The following DOP1A variants were observed in gnomAD, a reference collection of about 807,000 sequenced individuals.
DOP1A encodes the protein DOP1 leucine zipper like protein A, also known as protein DOP1A.
A neutral mutation model predicts 267.6 loss-of-function variants in DOP1A; 90 were observed. The observed-to-expected ratio is 0.34, with a 90% CI of 0.28 to 0.40. The LOEUF (loss-of-function observed/expected upper bound fraction) is 0.40. Ranked by LOEUF, DOP1A falls within the 10% of genes least tolerant of loss-of-function variation. DOP1A has a pLI of 1.00. For synonymous variants in DOP1A, 932 were observed against 999.1 expected, an observed-to-expected ratio of 0.93 and a Z score of 1.27; for missense variants, 2,437 against 2,900.4, an observed-to-expected ratio of 0.84 and a Z score of 3.67.
Position 83,122,878 on chromosome 6 carries a change from TAAG to T in DOP1A, c.1239_1241del (p.Lys414del). 2 of 1,488,696 alleles carry T rather than the reference TAAG, an allele frequency of 1.3e-6. No homozygotes were observed. The highest frequency in any genetic ancestry group is 1.8e-6 in the Non-Finnish European group (2 of 1,117,846). 92.2% of individuals were successfully genotyped at this position (1,488,696 alleles called of 1,614,324 possible). A position where few individuals can be genotyped will look rare whatever the true frequency, so the allele number is the denominator to read the frequency against. On this transcript the variant is annotated inframe_deletion, in exon 12 of 39. Coordinates refer to ENST00000349129, the MANE Select transcript of DOP1A (RefSeq NM_015018.4). ...CTTTTTTCAGTAAATTAAGAGAAAA[TAAG>T]AAAACAGCAGAGCTGATTAAAACTG...
At chr6:83,148,716 C>T in intron 26 of DOP1A, 43 bp from the exon 27 acceptor site, 1 of 1,296,316 alleles carries the variant, frequency 7.7e-7, no homozygotes, top group Non-Finnish European at 1.1e-6. Flanking sequence ...AGTAGAAAAC[C>T]ATAGTTTATT....
Position 83,128,884 on chromosome 6 carries a change from C to T in DOP1A, c.1720-3C>T, listed in dbSNP as rs368974793. The T allele has an allele frequency of 2.0e-5, 31 of 1,515,376 alleles. No individual in the cohort carries two copies. In the African/African-American group the frequency reaches 4.0e-4, roughly 20 times the overall value. 93.9% of individuals were successfully genotyped at this position (1,515,376 alleles called of 1,614,324 possible). ...CTTTTGTTTTCTTAAAAATCTCTAA[C>T]AGGTATCATCAGTTTCTCATGAAAA... On this transcript the variant is annotated splice_polypyrimidine_tract_variant and splice_region_variant and intron_variant, in intron 15 of 38. Coordinates refer to ENST00000349129, the MANE Select transcript of DOP1A (RefSeq NM_015018.4).
At chr6:83,074,583 AT>A (rs1766702980) in intron 1 of DOP1A, among the ~76,000 whole-genome samples, 1 of 152,206 alleles carries the variant, frequency 6.6e-6, no homozygotes, top group Non-Finnish European at 1.5e-5. Flanking sequence ...CCAGTATAGT[AT>A]TTAATAAATT....
chr6:83,085,760 A>G (rs1340300785), intron 1 of DOP1A, among the ~76,000 whole-genome samples: 1 of 150,302 alleles, frequency 6.7e-6, no homozygotes, highest in Non-Finnish European at 1.5e-5. Context: ...AAAACCATTG[A>G]TGGGTTTTTT....
At chr6:83,103,501 A>G (rs932693142) in intron 4 of DOP1A, among the ~76,000 whole-genome samples, 11 of 152,334 alleles carry the variant, frequency 7.2e-5, no homozygotes, top group Non-Finnish European at 1.2e-4. Flanking sequence ...TTTTTAATCT[A>G]TGAATTGATG....
intron 1 of DOP1A, among the ~76,000 whole-genome samples, chr6:83,089,589 T>A (rs1011692129): frequency 1.4e-4 from 21 of 152,216 alleles, no homozygotes; most frequent in African/African-American, 4.8e-4. Context: ...GAAACTACGA[T>A]TAACAGCCCC....
chr6:83,133,605 CTAAA>C (rs1241381592), intron 18 of DOP1A, among the ~76,000 whole-genome samples: 40 of 152,150 alleles, frequency 2.6e-4, no homozygotes, highest in African/African-American at 8.7e-4. Context: ...GCTTGCCTAT[CTAAA>C]TAATTTATTT....
intron 1 of DOP1A, among the ~76,000 whole-genome samples, chr6:83,093,361 C>T (rs1366155185): frequency 1.3e-5 from 2 of 152,146 alleles, no homozygotes; most frequent in Non-Finnish European, 2.9e-5. Context: ...ACTCGTATAG[C>T]CTCTCTTTGG....
chr6:83,137,100 C>A, intron 20 of DOP1A, 73 bp from the exon 21 acceptor site: 1 of 1,361,874 alleles, frequency 7.3e-7, no homozygotes, highest in Admixed American at 2.8e-5. Context: ...TTTGATCAGT[C>A]TACATTTCTA....
Position 83,137,165 on chromosome 6 carries a change from T to C in DOP1A, c.3131-8T>C, listed in dbSNP as rs1280577902. The C allele has an allele frequency of 3.9e-6, 6 of 1,522,954 alleles. No individual in the cohort carries two copies. Among genetic ancestry groups the C allele is most frequent in the Non-Finnish European group, 4.4e-6 (5 of 1,137,580 alleles). 94.3% of individuals were successfully genotyped at this position (1,522,954 alleles called of 1,614,324 possible). Reference sequence around the variant, plus strand: ...TTTTCTTCTTTTACTGTTTTTCTCATATATCAGTGAGCCAAGTACAACTCA... The same window carrying C: ...TTTTCTTCTTTTACTGTTTTTCTCACATATCAGTGAGCCAAGTACAACTCA... On this transcript the variant is annotated splice_polypyrimidine_tract_variant and splice_region_variant and intron_variant, in intron 20 of 38. Coordinates refer to ENST00000349129, the MANE Select transcript of DOP1A (RefSeq NM_015018.4).
Position 83,151,925 on chromosome 6 carries a change from G to A in DOP1A, c.5947G>A (p.Gly1983Ser), listed in dbSNP as rs1781763416. Residue 1983 changes from glycine (G) to serine (S), a missense_variant, in exon 29 of 39, where the codon GGT (glycine) becomes AGT (serine). Physicochemically the swap from Gly to Ser is moderately conservative, Grantham distance 56. Coordinates refer to ENST00000349129, the MANE Select transcript of DOP1A (RefSeq NM_015018.4). ...KIVDAIGAIAGSSLEQTTWLR... is the reference protein window; with the variant it reads ...KIVDAIGAIASSSLEQTTWLR... Reference sequence around the variant, plus strand: ...AGTGGATGCAATTGGTGCAATTGCTGGTTCTTCTCTGGAACAGACAACATG... The same window carrying A: ...AGTGGATGCAATTGGTGCAATTGCTAGTTCTTCTCTGGAACAGACAACATG... 1 of 1,613,574 alleles carries A rather than the reference G, an allele frequency of 6.2e-7. No homozygotes were observed. The highest frequency in any genetic ancestry group is 8.5e-7 in the Non-Finnish European group (1 of 1,179,768).
chr6:83,170,272 A>G, downstream of DOP1A: 1 of 1,600,810 alleles, frequency 6.2e-7, no homozygotes, highest in Non-Finnish European at 8.6e-7. Flanking sequence ...ACCTAATATT[A>G]GGCTCTTTTT....
In DOP1A at chr6:83,124,639, T is replaced by C. The variant is rs1583022235; in HGVS notation, c.1341-66T>C. 2.7e-6 allele frequency: 3 copies of C among 1,122,652 alleles called. No homozygotes were observed. The East Asian group carries it at 7.1e-5, about 27-fold the overall frequency. The allele number at this position is 1,122,652 out of a possible 1,614,324, so 69.5% of individuals were successfully genotyped here. A position where few individuals can be genotyped will look rare whatever the true frequency, so the allele number is the denominator to read the frequency against. On this transcript the variant is annotated intron_variant, in intron 12 of 38. Coordinates refer to ENST00000349129, the MANE Select transcript of DOP1A (RefSeq NM_015018.4). ...GACTTGGACTTCATTAGAAGGATGATGATGCTGTCACAGGTATTCACATCA... is the reference window on the plus strand; with the variant it reads ...GACTTGGACTTCATTAGAAGGATGACGATGCTGTCACAGGTATTCACATCA...
chr6:83,079,655 A>G (rs1767736724), intron 1 of DOP1A, among the ~76,000 whole-genome samples: 1 of 152,164 alleles, frequency 6.6e-6, no homozygotes, highest in East Asian at 1.9e-4. Flanking sequence ...TATTTTGCAA[A>G]TAATGATTTG....
chr6:83,142,742 T>A (rs930511123), intron 24 of DOP1A, among the ~76,000 whole-genome samples: 1 of 152,136 alleles, frequency 6.6e-6, no homozygotes, highest in Admixed American at 6.6e-5. Context: ...TTTCTAAATA[T>A]AATTCACAAA....
In DOP1A at chr6:83,132,218, C is replaced by T; in HGVS notation, c.2659C>T (p.Pro887Ser). 6.2e-7 allele frequency: 1 copy of T among 1,612,948 alleles called. No individual in the cohort carries two copies. Among genetic ancestry groups the T allele is most frequent in the South Asian group, 1.1e-5 (1 of 90,956 alleles). Residue 887 changes from proline (P) to serine (S), a missense_variant, in exon 18 of 39, where the codon CCT becomes TCT. Transcript: ENST00000349129. Reference sequence around the variant, plus strand: ...GTGGGACCAGTTGGGAGATGGGACACCTCAGCATCACCAGAAGAGTGTGGA... The same window carrying T: ...GTGGGACCAGTTGGGAGATGGGACATCTCAGCATCACCAGAAGAGTGTGGA... The part of the protein sequence containing the change: ...TLWDQLGDGT[P>S]QHHQKSVELF...
rs759911147 is a variant in DOP1A, at chr6:83,148,899, G to T, written c.5837+36G>T. Reference sequence around the variant, plus strand: ...TCACTTAATATTATTTCAAATAAAAGGATAATGTTAATTGTCCTAGTTGCC... The same window carrying T: ...TCACTTAATATTATTTCAAATAAAATGATAATGTTAATTGTCCTAGTTGCC... On this transcript the variant is annotated intron_variant, in intron 27 of 38. Transcript: ENST00000349129. 3 of 1,281,098 alleles carry T rather than the reference G, an allele frequency of 2.3e-6. No individual in the cohort carries two copies. The African/African-American group carries it at 4.7e-5, about 20-fold the overall frequency. 79.4% of individuals were successfully genotyped at this position (1,281,098 alleles called of 1,614,324 possible).
chr6:83,139,974 G>A, intron 21 of DOP1A, 26 bp from the exon 22 acceptor site: 1 of 1,506,068 alleles, frequency 6.6e-7, no homozygotes, highest in Non-Finnish European at 9.2e-7. Flanking sequence ...TAAAACTTGT[G>A]TTTAAATGAA....
chr6:83,160,070 A>G, intron 37 of DOP1A, 110 bp downstream of exon 37: 1 of 1,017,110 alleles, frequency 9.8e-7, no homozygotes, highest in East Asian at 2.5e-5. Flanking sequence ...AATATTCCTA[A>G]TTTTTACTAA....
Sources: allele counts gnomAD v4.1 joint callset (sites outside exome capture counted in the v4.1 genomes callset), GRCh38; gene constraint gnomAD v4.1.1; transcripts MANE v1.5; gene names NCBI Gene and HGNC (gene_info 2026-07-23, HGNC 2026-07-21).